The following CC2D2A variants were observed in gnomAD, a reference collection of about 807,000 sequenced individuals.
The protein encoded by CC2D2A is coiled-coil and C2 domain containing 2A, also known as coiled-coil and C2 domain-containing protein 2A.
CC2D2A carries 155 observed loss-of-function variants against 212.9 expected under a neutral mutation model. The ratio of observed to expected loss-of-function variants is 0.73; its 90% confidence interval spans 0.64 to 0.83. CC2D2A has a LOEUF of 0.83. Among genes scored for constraint, CC2D2A ranks in the 40% least tolerant of loss-of-function variants. CC2D2A has a pLI of 0.00. For missense variants in CC2D2A, 1,856 were observed against 1,956.2 expected (o/e 0.95, Z 0.97); for synonymous variants, 667 against 686.5 (o/e 0.97, Z 0.44).
intron 6 of CC2D2A, among the ~76,000 whole-genome samples, chr4:15,508,893 T>G (rs1443500791): frequency 1.3e-5 from 2 of 152,226 alleles, no homozygotes; most frequent in Non-Finnish European, 2.9e-5. Context: ...CACCTATATG[T>G]GCTACTGGGA....
chr4:15,507,914 C>G (rs1716353691), intron 6 of CC2D2A, among the ~76,000 whole-genome samples: 1 of 152,172 alleles, frequency 6.6e-6, no homozygotes, highest in Non-Finnish European at 1.5e-5. Flanking sequence ...CCAAAGGTCA[C>G]TGTTTTCTTC....
intron 4 of CC2D2A, among the ~76,000 whole-genome samples, chr4:15,489,041 A>T (rs749271877): frequency 2.6e-5 from 4 of 152,230 alleles, no homozygotes; most frequent in Non-Finnish European, 4.4e-5. Context: ...TAACTATCAC[A>T]CATTAAGTAG....
chr4:15,485,602 A>G (rs1714952466), intron 4 of CC2D2A, among the ~76,000 whole-genome samples: 1 of 152,208 alleles, frequency 6.6e-6, no homozygotes. Context: ...CTAACAGTAT[A>G]CAAGCATTCC....
At chr4:15,486,942 T>C (rs971306998) in intron 4 of CC2D2A, among the ~76,000 whole-genome samples, 1 of 152,036 alleles carries the variant, frequency 6.6e-6, no homozygotes, top group African/African-American at 2.4e-5. Context: ...TTTTATGAAT[T>C]TGTAGAGTTT....
chr4:15,585,246 G>A (rs1720812935), intron 30 of CC2D2A, among the ~76,000 whole-genome samples: 1 of 152,070 alleles, frequency 6.6e-6, no homozygotes, highest in Non-Finnish European at 1.5e-5. Flanking sequence ...ATCAAGCAAA[G>A]TACCCATCTA....
At chr4:15,552,504 C>G (rs1453153579) in intron 18 of CC2D2A, among the ~76,000 whole-genome samples, 1 of 152,150 alleles carries the variant, frequency 6.6e-6, no homozygotes, top group Non-Finnish European at 1.5e-5. Flanking sequence ...TATACCTTCC[C>G]TAATTTGTTT....
intron 17 of CC2D2A, chr4:15,543,509 T>C (rs1718563276): frequency 6.6e-6 from 1 of 152,228 alleles, no homozygotes; most frequent in African/African-American, 2.4e-5. Context: ...TTTCTATTAA[T>C]GCTTACTTCT....
chr4:15,511,869 G>A (rs1027162089), intron 8 of CC2D2A, among the ~76,000 whole-genome samples: 7 of 152,180 alleles, frequency 4.6e-5, no homozygotes, highest in African/African-American at 1.7e-4. Flanking sequence ...GGTGGTATGT[G>A]TGAGATAAAA....
In CC2D2A at chr4:15,599,537, A is replaced by G. The variant is rs768606928; in HGVS notation, c.4505A>G (p.Lys1502Arg). ...AAAELQDRIE[K>R]ILKEKIMDWR... ...TTATGTTTTGTGAACAGGATTGAAAAAATACTAAAAGAAAAAATCATGGAC... is the reference window on the plus strand; with the variant it reads ...TTATGTTTTGTGAACAGGATTGAAAGAATACTAAAAGAAAAAATCATGGAC... The change falls in exon 36 of 37, where the codon AAA (lysine) becomes AGA (arginine). Residue 1502 changes from lysine (K) to arginine (R), a missense_variant. By Grantham distance (26) the Lys-to-Arg change is conservative. Transcript: ENST00000424120. 1 of 1,561,056 alleles carries G rather than the reference A, an allele frequency of 6.4e-7. No homozygotes were observed. Among genetic ancestry groups the G allele is most frequent in the Admixed American group, 1.9e-5 (1 of 53,150 alleles).
At chr4:15,556,812 T>C (rs980952122) in intron 20 of CC2D2A, among the ~76,000 whole-genome samples, 4 of 152,194 alleles carry the variant, frequency 2.6e-5, no homozygotes, top group Non-Finnish European at 5.9e-5. Flanking sequence ...GGCTAACTTT[T>C]CTCAGTGACC....
rs756324214 is a variant in CC2D2A at position 15,599,572 on chromosome 4, C to A, written c.4540C>A (p.Arg1514Ser). The A allele has an allele frequency of 3.1e-6, 5 of 1,597,354 alleles. No homozygotes were observed. Among genetic ancestry groups the A allele is most frequent in the Non-Finnish European group, 3.4e-6 (4 of 1,168,452 alleles). Residue 1514 changes from arginine (R) to serine (S), a missense_variant, in exon 36 of 37, where the codon CGC (arginine) becomes AGC (serine). Physicochemically the swap from Arg to Ser is moderately radical, Grantham distance 110. Coordinates refer to ENST00000424120, the MANE Select transcript of CC2D2A (RefSeq NM_001378615.1). ...AGAAAAAATCATGGACTGGAGGCCA[C>A]GCCATCTGACTCGGTGGAATAGGTA... ...LKEKIMDWRP[R>S]HLTRWNRYCT...
rs777158229 is a variant in CC2D2A, at chr4:15,599,565, G to A, written c.4533G>A (p.Trp1511Ter). 2 of 1,591,768 alleles carry A rather than the reference G, an allele frequency of 1.3e-6. No homozygotes were observed. Among genetic ancestry groups the A allele is most frequent in the Non-Finnish European group, 8.6e-7 (1 of 1,164,994 alleles). The change falls in exon 36 of 37, where the codon TGG becomes TGA. Residue 1511 changes from tryptophan (W) to a stop codon, truncating the protein, a stop_gained. Transcript: ENST00000424120. LOFTEE classifies it high-confidence loss of function. The stretch of plus-strand genomic sequence containing the variant: ...TACTAAAAGAAAAAATCATGGACTG[G>A]AGGCCACGCCATCTGACTCGGTGGA... ...EKILKEKIMD[W>*]RPRHLTRWNR...
Position 15,555,116 on chromosome 4 carries a change from G to T in CC2D2A, c.2531G>T (p.Gly844Val). The change falls in exon 20 of 37, where the codon GGA becomes GTA. Residue 844 changes from glycine (G) to valine (V), a missense_variant. By Grantham distance (109) the Gly-to-Val change is moderately radical. This residue lies in a region of CC2D2A where 1,512 missense variants were observed against 1,579.3 expected (regional missense o/e 0.96). Transcript: ENST00000424120. ...GCCATCTCATCTATTGGCACATCAG[G>T]ACTGACAGACATGAAAAAATTGGCC... ...ADAISSIGTS[G>V]LTDMKKLAKW... 6.2e-7 allele frequency: 1 copy of T among 1,613,660 alleles called. No homozygotes were observed. Among genetic ancestry groups the T allele is most frequent in the East Asian group, 2.2e-5 (1 of 44,850 alleles).
chr4:15,537,633 CA>C (rs1286496787), intron 15 of CC2D2A, among the ~76,000 whole-genome samples: 1 of 152,118 alleles, frequency 6.6e-6, no homozygotes, highest in Non-Finnish European at 1.5e-5. Flanking sequence ...AAGCTCTTTC[CA>C]GGGACTAGGC....
chr4:15,581,369 G>A (rs1376215259), intron 30 of CC2D2A, among the ~76,000 whole-genome samples: 2 of 152,178 alleles, frequency 1.3e-5, no homozygotes, highest in African/African-American at 4.8e-5. Flanking sequence ...TGAAATGAAA[G>A]TAAAGTGATA....
chr4:15,574,078 A>G, intron 28 of CC2D2A, 72 bp from the exon 29 acceptor site: 2 of 1,262,038 alleles, frequency 1.6e-6, no homozygotes, highest in Non-Finnish European at 2.2e-6. Context: ...AACAATGAGG[A>G]GTTGACACTT....
intron 14 of CC2D2A, among the ~76,000 whole-genome samples, chr4:15,534,799 G>A (rs1718035706): frequency 6.6e-6 from 1 of 152,062 alleles, no homozygotes; most frequent in African/African-American, 2.4e-5. Flanking sequence ...GTATAAGACT[G>A]TGTGATCTTT....
chr4:15,570,285 CTAATA>C (rs1720096316), intron 27 of CC2D2A, 108 bp from the exon 28 acceptor site: 1 of 620,948 alleles, frequency 1.6e-6, no homozygotes. Flanking sequence ...TTAGGTCTAT[CTAATA>C]TAAGTTCATA....
In CC2D2A at chr4:15,596,066, G is replaced by A; in HGVS notation, c.4315-19G>A. On this transcript the variant is annotated intron_variant, in intron 33 of 36. Coordinates refer to ENST00000424120, the MANE Select transcript of CC2D2A (RefSeq NM_001378615.1). ...TATACATGCTAACATATATGCTAAT[G>A]TAGTCTTGTCTTTCTTAGATTTGGT... The A allele has an allele frequency of 6.5e-7, 1 of 1,532,060 alleles. No homozygotes were observed. The highest frequency in any genetic ancestry group is 1.4e-5 in the African/African-American group (1 of 72,442). The allele number at this position is 1,532,060 out of a possible 1,614,324, so 94.9% of individuals were successfully genotyped here.
Sources: allele counts gnomAD v4.1 joint callset (sites outside exome capture counted in the v4.1 genomes callset), GRCh38; gene constraint gnomAD v4.1.1; regional missense constraint gnomAD v4.1.1; transcripts MANE v1.5; gene names NCBI Gene and HGNC (gene_info 2026-07-23, HGNC 2026-07-21).